The following OVGP1 variants were observed in gnomAD, a reference collection of about 807,000 sequenced individuals.
The protein encoded by OVGP1 is oviductal glycoprotein 1.
Under a neutral mutation model 48.2 loss-of-function variants are expected in OVGP1, and 26 were observed. That is an observed-to-expected ratio of 0.54 (90% CI 0.40 to 0.75). OVGP1 has a LOEUF of 0.75. Ranked by LOEUF, OVGP1 falls within the 30% of genes least tolerant of loss-of-function variation. The probability of loss-of-function intolerance (pLI) is 0.00; values close to 1 mark genes in which losing one functional copy is unlikely to be tolerated. For synonymous variants in OVGP1, 294 were observed against 305.7 expected (o/e 0.96, Z 0.40); for missense variants, 791 against 820.6 (o/e 0.96, Z 0.44).
Position 111,416,402 on chromosome 1 carries a change from C to T in OVGP1, c.1077G>A (p.Met359Ile), listed in dbSNP as rs1557782000. 1 of 1,609,198 alleles carries T rather than the reference C, an allele frequency of 6.2e-7. No homozygotes were observed. The highest frequency in any genetic ancestry group is 1.7e-4 in the Middle Eastern group (1 of 6,056). ...FGGAMVWTLD[M>I]DDVRGTFCGT... is the part of the protein sequence containing the mutation. Reference sequence around the variant, plus strand: ...CACAGAACGTGCCCCTGACGTCATCCATGTCCAATGTCCACACCATGGCCC... The same window carrying T: ...CACAGAACGTGCCCCTGACGTCATCTATGTCCAATGTCCACACCATGGCCC... Residue 359 changes from methionine to isoleucine, a missense_variant, in exon 10 of 11, where the codon ATG (methionine) becomes ATA (isoleucine). Physicochemically the swap from Met to Ile is conservative, Grantham distance 10. Transcript: ENST00000369732.
At chr1:111,422,814 C>A in intron 6 of OVGP1, 113 bp downstream of exon 6, 1 of 1,269,272 alleles carries the variant, frequency 7.9e-7, no homozygotes. Flanking sequence ...GCACTGACGT[C>A]AGGGCAGGCA....
chr1:111,426,599 T>C lies in OVGP1; in HGVS notation c.98A>G (p.His33Arg), dbSNP rs927627409. 70 of 1,613,960 alleles carry C rather than the reference T, an allele frequency of 4.3e-5. No individual in the cohort carries two copies. Among genetic ancestry groups the C allele is most frequent in the African/African-American group, 5.3e-5 (4 of 74,904 alleles). Residue 33 changes from histidine (H) to arginine (R), a missense_variant, in exon 3 of 11, where the codon CAC becomes CGC. By Grantham distance (29) the His-to-Arg change is conservative. Transcript: ENST00000369732. ...GATCGAGGCAGGGCCTGGCCGACTG[T>C]GTGCCCAGTTGGTGAAATAACACAC... ...KLVCYFTNWA[H>R]SRPGPASILP...
intron 10 of OVGP1, 60 bp downstream of exon 10, chr1:111,416,263 C>A (rs10489791): frequency 0.07 from 103,474 of 1,472,054 alleles, 5,986 homozygotes; most frequent in African/African-American, 0.27. Context: ...AGCAGAAGGG[C>A]CTTACCCAGT....
intron 9 of OVGP1, among the ~76,000 whole-genome samples, chr1:111,418,658 C>T (rs1368451741): frequency 3.9e-5 from 6 of 152,222 alleles, no homozygotes; most frequent in Non-Finnish European, 8.8e-5. Context: ...AACTGCTGCT[C>T]CTTCCAACTA....
At chr1:111,425,677 CAA>C (rs1239927635) in intron 3 of OVGP1, among the ~76,000 whole-genome samples, 1 of 152,178 alleles carries the variant, frequency 6.6e-6, no homozygotes, top group Admixed American at 6.5e-5. Context: ...CAAGGCTGCA[CAA>C]AGTCTGCCAA....
Position 111,425,373 on chromosome 1 carries a change from A to G in OVGP1, c.317+10T>C, listed in dbSNP as rs763222080. The G allele has an allele frequency of 6.2e-7, 1 of 1,613,822 alleles. No individual in the cohort carries two copies. Among genetic ancestry groups the G allele is most frequent in the Admixed American group, 1.7e-5 (1 of 60,012 alleles). On this transcript the variant is annotated intron_variant, in intron 4 of 10. Transcript: ENST00000369732. The stretch of plus-strand genomic sequence containing the variant: ...CTCCCAGGGAGAAGAGAATAACAGC[A>G]AAGTCTCACCTTGAGGTGCCAAAGT...
At chr1:111,418,065 G>A (rs1023361738) in intron 9 of OVGP1, among the ~76,000 whole-genome samples, 1 of 152,186 alleles carries the variant, frequency 6.6e-6, no homozygotes, top group African/African-American at 2.4e-5. Context: ...TCCTCAAACT[G>A]TGCAGGAACT....
At chr1:111,419,568 T>G in intron 9 of OVGP1, 42 bp downstream of exon 9, 1 of 1,172,700 alleles carries the variant, frequency 8.5e-7, no homozygotes, top group South Asian at 1.2e-5. Flanking sequence ...TAGAAACCGG[T>G]AGGAAACCAT....
Position 111,416,457 on chromosome 1 carries a change from G to C in OVGP1, c.1022C>G (p.Ala341Gly), listed in dbSNP as rs753022114. 1 of 1,601,396 alleles carries C rather than the reference G, an allele frequency of 6.2e-7. No individual in the cohort carries two copies. Among genetic ancestry groups the C allele is most frequent in the East Asian group, 2.2e-5 (1 of 44,528 alleles). Residue 341 changes from alanine to glycine, a missense_variant and splice_region_variant, in exon 10 of 11, where the codon GCA becomes GGA. Coordinates refer to ENST00000369732, the MANE Select transcript of OVGP1 (RefSeq NM_002557.4). ...YDNAISFSYK[A>G]WFIRREHFGG... ...AAAATGCTCTCGCCTTATAAACCAT[G>C]CCTGTAAAAGTAACAGTCAGTCAAC...
chr1:111,414,432 G>C lies in OVGP1; in HGVS notation c.*32C>G. 1 of 1,562,652 alleles carries C rather than the reference G, an allele frequency of 6.4e-7. No homozygotes were observed. The highest frequency in any genetic ancestry group is 8.7e-7 in the Non-Finnish European group (1 of 1,154,282). On this transcript the variant is annotated 3_prime_UTR_variant, in exon 11 of 11. Coordinates refer to ENST00000369732, the MANE Select transcript of OVGP1 (RefSeq NM_002557.4). ...ACATGTCACTTAGAAGAAAAGACAA[G>C]GGTTTTCCCTGGTTTCTGACACCAG...
chr1:111,425,460 T>C lies in OVGP1; in HGVS notation c.261-21A>G, dbSNP rs749707607. 7 of 1,613,730 alleles carry C rather than the reference T, an allele frequency of 4.3e-6. No individual in the cohort carries two copies. The East Asian group carries it at 1.3e-4, about 31-fold the overall frequency. ...TGTTCCTATGATGTGAGAGAGAGGG[T>C]TGATGAGCTGGGTTCTTCACTCCGG... On this transcript the variant is annotated intron_variant, in intron 3 of 10. Coordinates refer to ENST00000369732, the MANE Select transcript of OVGP1 (RefSeq NM_002557.4).
intron 9 of OVGP1, among the ~76,000 whole-genome samples, chr1:111,419,379 C>G (rs1365446417): frequency 6.6e-6 from 1 of 152,184 alleles, no homozygotes; most frequent in African/African-American, 2.4e-5. Context: ...ACTGAGGGAA[C>G]TATTTATTCC....
chr1:111,415,894 ATGCTTCACCTCT>A (rs1301144956), intron 10 of OVGP1, among the ~76,000 whole-genome samples: 1 of 152,168 alleles, frequency 6.6e-6, no homozygotes, highest in African/African-American at 2.4e-5. Flanking sequence ...ATCCGTAAGG[ATGCTTCACCTCT>A]TGCATGCTAG....
In OVGP1 at chr1:111,423,567, C is replaced by A. The variant is rs147103090; in HGVS notation, c.459G>T (p.Arg153=). 2 of 1,614,008 alleles carry A rather than the reference C, an allele frequency of 1.2e-6. No homozygotes were observed. The highest frequency in any genetic ancestry group is 1.7e-6 in the Non-Finnish European group (2 of 1,180,022). ...PGLRGSPMHD[R]WTFLFLIEEL... The stretch of plus-strand genomic sequence containing the variant: ...CTTCAATTAAGAAGAGAAAAGTCCA[C>A]CGGTCATGCATGGGGCTGCCTCTTA... Residue 153 remains arginine, a synonymous_variant, in exon 5 of 11, where the codon CGG becomes CGT. Transcript: ENST00000369732.
intron 2 of OVGP1, 86 bp from the exon 3 acceptor site, chr1:111,426,727 A>C: frequency 6.4e-7 from 1 of 1,556,094 alleles, no homozygotes. Flanking sequence ...AACGCAGCCC[A>C]AGAGACCAGG....
Position 111,426,422 on chromosome 1 carries a change from C to A in OVGP1, c.260+15G>T, listed in dbSNP as rs1477946469. The stretch of plus-strand genomic sequence containing the variant: ...AAATCTGAAAATACAACCCCCACAT[C>A]CAATATGAACACACCTCTCCTTTAG... On this transcript the variant is annotated intron_variant, in intron 3 of 10. Transcript: ENST00000369732. 1 of 1,613,792 alleles carries A rather than the reference C, an allele frequency of 6.2e-7. No individual in the cohort carries two copies. Among genetic ancestry groups the A allele is most frequent in the African/African-American group, 1.3e-5 (1 of 74,916 alleles).
chr1:111,427,390 C>A, intron 1 of OVGP1: 5 of 984,468 alleles, frequency 5.1e-6, no homozygotes, highest in African/African-American at 1.7e-5. Context: ...TGGTTCTGAA[C>A]CCTGGCTGCA....
Position 111,414,764 on chromosome 1 carries a change from T to C in OVGP1, c.1737A>G (p.Arg579=). 1 of 1,610,080 alleles carries C rather than the reference T, an allele frequency of 6.2e-7. No homozygotes were observed. Among genetic ancestry groups the C allele is most frequent in the South Asian group, 1.1e-5 (1 of 90,912 alleles). The change falls in exon 11 of 11, where the codon AGA becomes AGG. Residue 579 remains arginine, a synonymous_variant. Coordinates refer to ENST00000369732, the MANE Select transcript of OVGP1 (RefSeq NM_002557.4). Reference sequence around the variant, plus strand: ...GCCCTTCAGGGGTGACTGATATGTTTCTGGAGGGGACAGTCACCTTTTCAC... The same window carrying C: ...GCCCTTCAGGGGTGACTGATATGTTCCTGGAGGGGACAGTCACCTTTTCAC... ...VAREKVTVPS[R]NISVTPEGQT...
intron 8 of OVGP1, among the ~76,000 whole-genome samples, chr1:111,420,780 T>C (rs1191638372): frequency 1.3e-5 from 2 of 152,078 alleles, no homozygotes; most frequent in African/African-American, 4.8e-5. Context: ...GAACCTGTAG[T>C]AGATAATGTC....
Sources: allele counts gnomAD v4.1 joint callset (sites outside exome capture counted in the v4.1 genomes callset), GRCh38; gene constraint gnomAD v4.1.1; transcripts MANE v1.5; gene names NCBI Gene and HGNC (gene_info 2026-07-23, HGNC 2026-07-21).